Variants in SLC7A14 observed in about 807,000 individuals in gnomAD.
The protein encoded by SLC7A14 is solute carrier family 7 member 14, also known as gamma-aminobutyric acid transporter SLC7A14.
In SLC7A14, 37 loss-of-function variants were observed where a neutral mutation model predicts 60.2. The observed-to-expected ratio is 0.61, with a 90% CI of 0.47 to 0.81. SLC7A14 has a LOEUF of 0.81. Among genes scored for constraint, SLC7A14 ranks in the 30% least tolerant of loss-of-function variants. The pLI is 0.00. For missense variants in SLC7A14, 886 were observed against 982.7 expected (o/e 0.90, Z 1.32); for synonymous variants, 399 against 395.8 (o/e 1.01, Z -0.10).
rs771780351 is a variant in SLC7A14, at chr3:170,526,984, A to G, written c.-48T>C. The G allele has an allele frequency of 6.4e-6, 10 of 1,559,868 alleles. No homozygotes were observed. The highest frequency in any genetic ancestry group is 3.6e-5 in the South Asian group (3 of 82,696). ...GAAGGTCAGCTGATGGAAGGGGGCT[A>G]CAAAGCCTTAGTGGATGGTTCTGGA... On this transcript the variant is annotated 5_prime_UTR_variant, in exon 2 of 8. Coordinates refer to ENST00000231706, the MANE Select transcript of SLC7A14 (RefSeq NM_020949.3).
intron 1 of SLC7A14, among the ~76,000 whole-genome samples, chr3:170,544,932 G>A (rs1441742444): frequency 6.6e-6 from 1 of 152,198 alleles, no homozygotes; most frequent in African/African-American, 2.4e-5. Context: ...GACATTCTGT[G>A]ATGATGAAAA....
At chr3:170,522,193 G>A (rs1713359750) in intron 2 of SLC7A14, among the ~76,000 whole-genome samples, 1 of 152,176 alleles carries the variant, frequency 6.6e-6, no homozygotes, top group African/African-American at 2.4e-5. Flanking sequence ...TCCTGTGCAA[G>A]TCAAATATAA....
intron 1 of SLC7A14, among the ~76,000 whole-genome samples, chr3:170,571,911 A>C (rs1290100069): frequency 6.6e-6 from 1 of 151,994 alleles, no homozygotes; most frequent in Non-Finnish European, 1.5e-5. Flanking sequence ...ATACAAAAAA[A>C]CTAGCTGGGC....
chr3:170,584,575 C>A (rs1353375389), intron 1 of SLC7A14, among the ~76,000 whole-genome samples: 1 of 152,148 alleles, frequency 6.6e-6, no homozygotes, highest in Admixed American at 6.5e-5. Flanking sequence ...AGCAGAAAAC[C>A]GGGAAAGGCA....
chr3:170,465,381 A>C lies in SLC7A14; in HGVS notation c.*1674T>G, dbSNP rs1277906031. On this transcript the variant is annotated 3_prime_UTR_variant, in exon 8 of 8. Coordinates refer to ENST00000231706, the MANE Select transcript of SLC7A14 (RefSeq NM_020949.3). The stretch of plus-strand genomic sequence containing the variant: ...GCTCATCCATGGACTGTAGCCCCCA[A>C]GGGCAAGTGCCATGCTTCTATTCAT... 1 of 152,254 alleles carries C rather than the reference A, an allele frequency of 6.6e-6. No homozygotes were observed. The highest frequency in any genetic ancestry group is 2.4e-5 in the African/African-American group (1 of 41,470). 9.4% of individuals were successfully genotyped at this position (152,254 alleles called of 1,614,324 possible). A position where few individuals can be genotyped will look rare whatever the true frequency, so the allele number is the denominator to read the frequency against.
chr3:170,573,980 T>A (rs956579283), intron 1 of SLC7A14, among the ~76,000 whole-genome samples: 1 of 152,212 alleles, frequency 6.6e-6, no homozygotes. Flanking sequence ...CAAATCAGTC[T>A]CTTGGGACCT....
At chr3:170,539,005 A>C (rs1713933122) in intron 1 of SLC7A14, among the ~76,000 whole-genome samples, 1 of 152,200 alleles carries the variant, frequency 6.6e-6, no homozygotes, top group Admixed American at 6.5e-5. Context: ...GTATTCGTCA[A>C]TTGCCTTGTG....
At chr3:170,545,130 A>G (rs1218759528) in intron 1 of SLC7A14, among the ~76,000 whole-genome samples, 1 of 152,200 alleles carries the variant, frequency 6.6e-6, no homozygotes, top group East Asian at 1.9e-4. Context: ...TCTGCGCTTC[A>G]TAAATTTTAG....
chr3:170,574,881 C>G (rs1474392453), intron 1 of SLC7A14, among the ~76,000 whole-genome samples: 2 of 152,182 alleles, frequency 1.3e-5, no homozygotes, highest in African/African-American at 4.8e-5. Flanking sequence ...CTGCTTTTAA[C>G]TGAGCAAACC....
At chr3:170,548,174 T>C (rs1429088176) in intron 1 of SLC7A14, among the ~76,000 whole-genome samples, 1 of 152,238 alleles carries the variant, frequency 6.6e-6, no homozygotes, top group Non-Finnish European at 1.5e-5. Context: ...TTGTGCAATA[T>C]GATTTAAGCT....
In SLC7A14 at chr3:170,526,816, T is replaced by C. The variant is rs1284510101; in HGVS notation, c.121A>G (p.Thr41Ala). ...PVESMLEGTG[T>A]TTAHGTKLAQ... Reference sequence around the variant, plus strand: ...AGCTTAGTTCCATGTGCCGTGGTGGTCCCAGTTCCCTCTAGCATGGACTCC... The same window carrying C: ...AGCTTAGTTCCATGTGCCGTGGTGGCCCCAGTTCCCTCTAGCATGGACTCC... Residue 41 changes from threonine to alanine, a missense_variant, in exon 2 of 8, where the codon ACC becomes GCC. Coordinates refer to ENST00000231706, the MANE Select transcript of SLC7A14 (RefSeq NM_020949.3). The C allele has an allele frequency of 2.5e-6, 4 of 1,614,168 alleles. No individual in the cohort carries two copies. In the South Asian group the frequency reaches 3.3e-5, roughly 13 times the overall value.
At chr3:170,472,763 G>A (rs1295277322) in intron 7 of SLC7A14, among the ~76,000 whole-genome samples, 11 of 139,048 alleles carry the variant, frequency 7.9e-5, no homozygotes, top group African/African-American at 8.1e-5. Context: ...TGAAGACTCC[G>A]TCTCAAAAAA....
At position 170,526,746 on chromosome 3, in the gene SLC7A14, C is replaced by A. The variant is rs140384927; in HGVS notation, c.191G>T (p.Gly64Val). The change falls in exon 2 of 8, where the codon GGC becomes GTC. Residue 64 changes from glycine to valine, a missense_variant. Transcript: ENST00000231706. ...ATACATGCCAGTGCCCACACAGCTG[C>A]CAACGCCAAGAGAGATGAGGTCCAC... The part of the protein sequence containing the change: ...TTVDLISLGV[G>V]SCVGTGMYVV... The A allele has an allele frequency of 8.1e-6, 13 of 1,614,126 alleles. No individual in the cohort carries two copies. In the African/African-American group the frequency reaches 1.7e-4, roughly 22 times the overall value.
chr3:170,575,452 A>C (rs1715064260), intron 1 of SLC7A14, among the ~76,000 whole-genome samples: 1 of 152,218 alleles, frequency 6.6e-6, no homozygotes, highest in Non-Finnish European at 1.5e-5. Context: ...TCTGAAGAGA[A>C]TGCTGTATGT....
At position 170,483,299 on chromosome 3, in the gene SLC7A14, G is replaced by C; in HGVS notation, c.1115+15C>G. 1 of 1,613,674 alleles carries C rather than the reference G, an allele frequency of 6.2e-7. No homozygotes were observed. The highest frequency in any genetic ancestry group is 8.5e-7 in the Non-Finnish European group (1 of 1,179,738). Reference sequence around the variant, plus strand: ...GTGGCAGAGCAGGATAAATTTCATGGAGCATAGCCCTTACCTGAAAAGGAG... The same window carrying C: ...GTGGCAGAGCAGGATAAATTTCATGCAGCATAGCCCTTACCTGAAAAGGAG... On this transcript the variant is annotated intron_variant, in intron 6 of 7. Coordinates refer to ENST00000231706, the MANE Select transcript of SLC7A14 (RefSeq NM_020949.3).
chr3:170,563,421 T>G lies in SLC7A14; in HGVS notation c.-153+22490A>C, dbSNP rs1192389175. Among the ~76,000 whole-genome samples the G allele has an allele frequency of 4.8e-3, 677 of 140,742 alleles. 7 individuals carry two copies. Among genetic ancestry groups the G allele is most frequent in the Admixed American group, 0.013 (179 of 14,230 alleles). 92.3% of individuals were successfully genotyped at this position (140,742 alleles called of 152,430 possible). ...ACAAACACTGTTTGTTTGTTTGTTT[T>G]TTTTTTTTTTTTTTGAGATGGAGTC... On this transcript the variant is annotated intron_variant, in intron 1 of 7. Transcript: ENST00000231706.
At chr3:170,467,484 G>A in intron 7 of SLC7A14, 107 bp from the exon 8 acceptor site, 1 of 656,476 alleles carries the variant, frequency 1.5e-6, no homozygotes, top group Non-Finnish European at 2.3e-6. Context: ...CGGGGTGGGG[G>A]GCGGTGGGGG....
intron 1 of SLC7A14, among the ~76,000 whole-genome samples, chr3:170,577,743 C>A (rs1178393697): frequency 6.6e-6 from 1 of 151,578 alleles, no homozygotes. Flanking sequence ...GAAACTAGAG[C>A]TAAAGAATAA....
chr3:170,585,457 C>T lies in SLC7A14; in HGVS notation c.-153+454G>A, dbSNP rs946929056. Among the ~76,000 whole-genome samples the T allele has an allele frequency of 2.0e-5, 3 of 152,236 alleles. No homozygotes were observed. The highest frequency in any genetic ancestry group is 7.2e-5 in the African/African-American group (3 of 41,472). On this transcript the variant is annotated intron_variant, in intron 1 of 7. Coordinates refer to ENST00000231706, the MANE Select transcript of SLC7A14 (RefSeq NM_020949.3). This position sits in a 1 kb window ranked among gnomAD's most constrained non-coding sequence, Gnocchi z 5.1. ...CGGAAAAGCGTCTCCGTTTCATGGT[C>T]TCGGTCCGAGGCGGAGAACGGAGCT...
Sources: allele counts gnomAD v4.1 joint callset (sites outside exome capture counted in the v4.1 genomes callset), GRCh38; gene constraint gnomAD v4.1.1; non-coding constraint Gnocchi (gnomAD v3.1); transcripts MANE v1.5; gene names NCBI Gene and HGNC (gene_info 2026-07-23, HGNC 2026-07-21).